The following FAM186A variants were observed in gnomAD, a reference collection of about 807,000 sequenced individuals.
FAM186A encodes family with sequence similarity 186 member A.
FAM186A carries 163 observed loss-of-function variants against 216.8 expected under a neutral mutation model. The ratio of observed to expected loss-of-function variants is 0.75; its 90% CI spans 0.66 to 0.86. The LOEUF (loss-of-function observed/expected upper bound fraction) is 0.86, where lower values mean the gene tolerates loss of function less well. FAM186A is among the 40% of genes least tolerant of loss of function. The pLI is 0.00. For synonymous variants in FAM186A, 805 were observed against 1,025.3 expected, an observed-to-expected ratio of 0.79 and a Z score of 4.10; for missense variants, 2,184 against 2,746.2, an observed-to-expected ratio of 0.80 and a Z score of 4.58.
chr12:50,378,656 A>G (rs1446397416), intron 1 of FAM186A, among the ~76,000 whole-genome samples: 1 of 148,922 alleles, frequency 6.7e-6, no homozygotes, highest in Non-Finnish European at 1.5e-5. Context: ...ATATACACAC[A>G]CACATATATA....
Position 50,354,555 on chromosome 12 carries a change from C to A in FAM186A, c.2277G>T (p.Met759Ile), listed in dbSNP as rs1351788946. ...GTGACTTCTGAAAATGCAATCCTGG[C>A]ATAAATGAGACTACCTTTTTTTGTT... ...PIKQKKVVSF[M>I]PGLHFQKSPI... Residue 759 changes from methionine (M) to isoleucine (I), a missense_variant, in exon 4 of 8, where the codon ATG becomes ATT. Met to Ile is a conservative substitution (Grantham distance 10). This residue lies in a region of FAM186A where 1,132 missense variants were observed against 1,263.4 expected (regional missense o/e 0.90). Coordinates refer to ENST00000327337, the MANE Select transcript of FAM186A (RefSeq NM_001145475.3). 1 of 1,551,586 alleles carries A rather than the reference C, an allele frequency of 6.4e-7. No homozygotes were observed. Among genetic ancestry groups the A allele is most frequent in the Non-Finnish European group, 8.7e-7 (1 of 1,146,988 alleles).
chr12:50,389,875 T>C (rs978583713), intron 1 of FAM186A, among the ~76,000 whole-genome samples: 3 of 152,182 alleles, frequency 2.0e-5, no homozygotes, highest in Non-Finnish European at 2.9e-5. Flanking sequence ...CACTAAGGAA[T>C]CTTTGAAGTC....
chr12:50,370,380 G>A (rs1299178955), intron 1 of FAM186A, among the ~76,000 whole-genome samples: 1 of 151,604 alleles, frequency 6.6e-6, no homozygotes, highest in East Asian at 1.9e-4. Flanking sequence ...TATACAAATG[G>A]CCCAAAAATA....
Position 50,353,378 on chromosome 12 carries a change from C to T in FAM186A, c.3454G>A (p.Asp1152Asn). ...VQGITLTPQQ[D>N]QAPGISLTTQ... The stretch of plus-strand genomic sequence containing the variant: ...GTGAGAGAGATCCCCGGGGCCTGGT[C>T]CTGCTGAGGGGTGAGAGTGATCCCT... Residue 1152 changes from aspartate (D) to asparagine (N), a missense_variant, in exon 4 of 8, where the codon GAC (aspartate) becomes AAC (asparagine). Around this residue, in one of 7 missense-constraint regions of FAM186A, gnomAD observed 267 missense variants for 446.2 expected, o/e 0.60. Transcript: ENST00000327337. The T allele has an allele frequency of 6.5e-7, 1 of 1,534,176 alleles. No individual in the cohort carries two copies. The highest frequency in any genetic ancestry group is 8.8e-7 in the Non-Finnish European group (1 of 1,139,284).
At chr12:50,394,731 T>TA (rs1348478666) in intron 1 of FAM186A, among the ~76,000 whole-genome samples, 1 of 104,030 alleles carries the variant, frequency 9.6e-6, no homozygotes, top group African/African-American at 3.6e-5. Flanking sequence ...TGGCTAACAC[T>TA]CTTTTTTTTT....
intron 1 of FAM186A, among the ~76,000 whole-genome samples, chr12:50,389,587 G>A (rs932620566): frequency 2.6e-5 from 4 of 152,182 alleles, no homozygotes; most frequent in East Asian, 3.8e-4. Flanking sequence ...ATAGAAGACC[G>A]AAGCTGTATC....
intron 2 of FAM186A, among the ~76,000 whole-genome samples, chr12:50,362,729 G>A (rs1056409923): frequency 9.1e-6 from 1 of 109,598 alleles, no homozygotes; most frequent in Non-Finnish European, 1.7e-5. Flanking sequence ...GGGTAACACA[G>A]TGAGAACCTG....
chr12:50,334,225 G>A (rs1301107170), intron 4 of FAM186A, 122 bp from the exon 5 acceptor site: 3 of 807,840 alleles, frequency 3.7e-6, no homozygotes, highest in Admixed American at 3.1e-5. Context: ...GGCTGGAGGT[G>A]CAATGGTGCA....
At chr12:50,343,454 A>G (rs1455978885) in intron 4 of FAM186A, among the ~76,000 whole-genome samples, 1 of 152,030 alleles carries the variant, frequency 6.6e-6, no homozygotes, top group Non-Finnish European at 1.5e-5. Flanking sequence ...TCTGAGACAG[A>G]GTCTTGCTCT....
rs1372853045 is a variant in FAM186A at position 50,351,322 on chromosome 12, G to A, written c.5510C>T (p.Pro1837Leu). Residue 1837 changes from proline to leucine, a missense_variant, in exon 4 of 8, where the codon CCC becomes CTC. Physicochemically the swap from Pro to Leu is moderately conservative, Grantham distance 98. Coordinates refer to ENST00000327337, the MANE Select transcript of FAM186A (RefSeq NM_001145475.3). ...ISRAPPTPGQ[P>L]FIAGVPPTSG... ...AGTGGGTGGAACTCCAGCTATAAAG[G>A]GCTGCCCTGGAGTGGGAGGGGCCCG... 1 of 1,517,486 alleles carries A rather than the reference G, an allele frequency of 6.6e-7. No individual in the cohort carries two copies. Among genetic ancestry groups the A allele is most frequent in the Non-Finnish European group, 8.8e-7 (1 of 1,133,028 alleles). The allele number at this position is 1,517,486 out of a possible 1,614,324, so 94.0% of individuals were successfully genotyped here.
intron 1 of FAM186A, chr12:50,365,835 C>G: frequency 1.3e-6 from 1 of 761,276 alleles, no homozygotes; most frequent in Admixed American, 1.7e-5. Flanking sequence ...ATGAGGACAC[C>G]ATAAAGGTCA....
At chr12:50,363,530 T>A (rs1269458170) in intron 1 of FAM186A, among the ~76,000 whole-genome samples, 166 bp from the exon 2 acceptor site, 4 of 152,022 alleles carry the variant, frequency 2.6e-5, no homozygotes, top group Non-Finnish European at 5.9e-5. Flanking sequence ...TAAAAAAAAA[T>A]TCCTTTTTCT....
chr12:50,393,360 A>T (rs889046333), intron 1 of FAM186A, among the ~76,000 whole-genome samples: 7 of 152,054 alleles, frequency 4.6e-5, no homozygotes, highest in Admixed American at 2.6e-4. Flanking sequence ...CAACATGGTG[A>T]AACCCTGTCT....
At position 50,354,940 on chromosome 12, in the gene FAM186A, G is replaced by C; in HGVS notation, c.1892C>G (p.Thr631Ser). ...EEKTEEKEEL[T>S]KQVKSHQLVK... ...AAGTTGATGAGACTTGACTTGTTTG[G>C]TCAACTCTTCCTTCTCTTCAGTTTT... Residue 631 changes from threonine to serine, a missense_variant, in exon 4 of 8, where the codon ACC (threonine) becomes AGC (serine). Physicochemically the swap from Thr to Ser is moderately conservative, Grantham distance 58 (BLOSUM62 1). Transcript: ENST00000327337. 1 of 1,550,442 alleles carries C rather than the reference G, an allele frequency of 6.4e-7. No homozygotes were observed. The highest frequency in any genetic ancestry group is 1.7e-4 in the Middle Eastern group (1 of 5,988).
chr12:50,331,892 C>T, intron 5 of FAM186A, 71 bp from the exon 6 acceptor site: 2 of 1,341,900 alleles, frequency 1.5e-6, no homozygotes, highest in Non-Finnish European at 2.0e-6. Flanking sequence ...GTCTTCAGAG[C>T]TGGCCCTAGA....
chr12:50,379,385 A>G (rs1269265631), intron 1 of FAM186A, among the ~76,000 whole-genome samples: 1 of 148,562 alleles, frequency 6.7e-6, no homozygotes, highest in Non-Finnish European at 1.5e-5. Context: ...GCTTGCAGTG[A>G]GCCAAGATAG....
At chr12:50,348,913 A>G (rs1942848355) in intron 4 of FAM186A, among the ~76,000 whole-genome samples, 1 of 151,958 alleles carries the variant, frequency 6.6e-6, no homozygotes, top group Non-Finnish European at 1.5e-5. Context: ...CATAGTAGGT[A>G]TATATATTTT....
chr12:50,338,839 T>C (rs1451791094), intron 4 of FAM186A, among the ~76,000 whole-genome samples: 1 of 152,224 alleles, frequency 6.6e-6, no homozygotes, highest in Non-Finnish European at 1.5e-5. Context: ...CTGAAGTTTG[T>C]GTTTGTTGTA....
intron 1 of FAM186A, among the ~76,000 whole-genome samples, chr12:50,379,468 A>G (rs867914876): frequency 0.01 from 78 of 7,792 alleles, no homozygotes; most frequent in Admixed American, 0.077. Flanking sequence ...AAAAAGAGGG[A>G]AAAACAAAAA....
Sources: gnomAD v4.1 joint callset for allele counts (sites outside exome capture counted in the v4.1 genomes callset) on GRCh38, gnomAD v4.1.1 for gene constraint, gnomAD v4.1.1 regional missense constraint, MANE v1.5 for transcripts, NCBI Gene and HGNC (gene_info 2026-07-23, HGNC 2026-07-21) for gene names.